Variants in PCDHA13 observed in about 807,000 individuals in gnomAD.
The protein encoded by PCDHA13 is protocadherin alpha-13.
In PCDHA13, 54 loss-of-function variants were observed where a neutral mutation model predicts 64.8. That is an observed-to-expected ratio of 0.83 (90% confidence interval 0.67 to 1.04). The LOEUF (loss-of-function observed/expected upper bound fraction) is 1.04. PCDHA13 is among the 50% of genes least tolerant of loss of function. The pLI is 0.00. For synonymous variants in PCDHA13, 587 were observed against 564.4 expected (o/e 1.04, Z -0.57); for missense variants, 1,248 against 1,254.3 (o/e 0.99, Z 0.08).
intron 1 of PCDHA13, chr5:140,927,691 G>C (rs782046420): frequency 6.2e-7 from 1 of 1,614,072 alleles, no homozygotes; most frequent in African/African-American, 1.3e-5. Flanking sequence ...GTCCAATGGG[G>C]AAGTCCAGTA....
At chr5:140,928,321 A>C (rs1296238254) in intron 1 of PCDHA13, 2 of 1,614,044 alleles carry the variant, frequency 1.2e-6, no homozygotes, top group African/African-American at 2.7e-5. Context: ...CCTGGGGAAG[A>C]ATGGCCTTGT....
chr5:140,928,392 G>T (rs17844366), intron 1 of PCDHA13: 1 of 1,614,052 alleles, frequency 6.2e-7, no homozygotes, highest in Admixed American at 1.7e-5. Context: ...TGCTGGCAGT[G>T]GAATCATCCA....
chr5:140,985,111 G>A (rs1252708098), intron 3 of PCDHA13, among the ~76,000 whole-genome samples: 2 of 151,892 alleles, frequency 1.3e-5, no homozygotes, highest in African/African-American at 2.4e-5. Context: ...CTAATTTTTT[G>A]TGTTTTTAGT....
chr5:141,008,642 T>C (rs1554261860), intron 3 of PCDHA13, among the ~76,000 whole-genome samples: 1 of 152,212 alleles, frequency 6.6e-6, no homozygotes, highest in Non-Finnish European at 1.5e-5. Flanking sequence ...AACAATTTCT[T>C]CTTCTGGAGT....
At chr5:140,944,089 A>G (rs2093608705) in intron 1 of PCDHA13, among the ~76,000 whole-genome samples, 2 of 152,250 alleles carry the variant, frequency 1.3e-5, no homozygotes, top group Non-Finnish European at 1.5e-5. Context: ...AGGCCTGAGT[A>G]AGTTTATATC....
intron 3 of PCDHA13, among the ~76,000 whole-genome samples, chr5:140,987,599 C>T (rs1475170913): frequency 1.3e-5 from 2 of 152,086 alleles, no homozygotes; most frequent in Non-Finnish European, 2.9e-5. Context: ...GTGGTGTCTA[C>T]CTTATAGGGT....
intron 1 of PCDHA13, among the ~76,000 whole-genome samples, chr5:140,972,660 ATTTTTTTT>A (rs11350929): frequency 6.0e-5 from 7 of 117,270 alleles, no homozygotes; most frequent in African/African-American, 2.0e-4. Flanking sequence ...AAGAAACCAA[ATTTTTTTT>A]TTTTTTTTTT....
chr5:141,010,949 C>T lies in PCDHA13; in HGVS notation c.*1012C>T, dbSNP rs1554263219. The T allele has an allele frequency of 6.5e-6, 1 of 153,762 alleles. No individual in the cohort carries two copies. Among genetic ancestry groups the T allele is most frequent in the African/African-American group, 2.4e-5 (1 of 41,442 alleles). 9.5% of individuals were successfully genotyped at this position (153,762 alleles called of 1,614,324 possible). On this transcript the variant is annotated 3_prime_UTR_variant, in exon 4 of 4. Transcript: ENST00000289272. ...TTCAGTCTACAGCCATTTAAATGAT[C>T]ATTGCTGCTACAGAAGTGCTTTAAG...
At chr5:140,885,328 A>G (rs2060562963) in intron 1 of PCDHA13, among the ~76,000 whole-genome samples, 1 of 152,114 alleles carries the variant, frequency 6.6e-6, no homozygotes, top group Non-Finnish European at 1.5e-5. Context: ...TTCTTTTCCA[A>G]AGTTTGAAGG....
At chr5:140,927,419 G>A (rs781883331) in intron 1 of PCDHA13, 1 of 1,614,140 alleles carries the variant, frequency 6.2e-7, no homozygotes, top group South Asian at 1.1e-5. Flanking sequence ...ATGGGATCGC[G>A]GGTTGACGGC....
intron 1 of PCDHA13, among the ~76,000 whole-genome samples, chr5:140,946,570 C>G (rs1488950892): frequency 7.2e-6 from 1 of 138,492 alleles, no homozygotes; most frequent in Non-Finnish European, 1.5e-5. Context: ...ATAGAATCAA[C>G]TTAGGTGTTC....
intron 1 of PCDHA13, among the ~76,000 whole-genome samples, chr5:140,933,223 A>G (rs1005553040): frequency 1.3e-5 from 2 of 152,018 alleles, no homozygotes; most frequent in African/African-American, 4.8e-5. Context: ...GTTATATTGC[A>G]TTTATGAAAA....
chr5:140,915,886 T>A (rs1259377999), intron 1 of PCDHA13, among the ~76,000 whole-genome samples: 2 of 152,186 alleles, frequency 1.3e-5, no homozygotes, highest in African/African-American at 4.8e-5. Context: ...GGGTAGCAAG[T>A]TCCCCCTGGC....
chr5:140,905,043 A>G (rs782694794), intron 1 of PCDHA13, among the ~76,000 whole-genome samples: 1 of 152,244 alleles, frequency 6.6e-6, no homozygotes, highest in East Asian at 1.9e-4. Flanking sequence ...TAGTTTAATT[A>G]GGTCCCATTT....
At chr5:140,927,076 C>T (rs142317713) in intron 1 of PCDHA13, 7 of 1,611,008 alleles carry the variant, frequency 4.3e-6, no homozygotes, top group Non-Finnish European at 5.1e-6. Context: ...TTCCAGCCAC[C>T]GCGAGCTCTA....
intron 1 of PCDHA13, chr5:140,967,956 A>C: frequency 6.2e-7 from 1 of 1,614,172 alleles, no homozygotes; most frequent in Non-Finnish European, 8.5e-7. Context: ...TCAGGCCCCA[A>C]CCGGAAAGTG....
At chr5:140,928,406 G>A (rs782285182) in intron 1 of PCDHA13, 1 of 1,614,050 alleles carries the variant, frequency 6.2e-7, no homozygotes, top group South Asian at 1.1e-5. Flanking sequence ...TCATCCAGTG[G>A]GGCCATCACT....
At chr5:140,949,603 A>G (rs1218724530) in intron 1 of PCDHA13, among the ~76,000 whole-genome samples, 3 of 151,662 alleles carry the variant, frequency 2.0e-5, no homozygotes, top group Non-Finnish European at 4.4e-5. Flanking sequence ...TGGCCATTCT[A>G]GTCTCATGTT....
chr5:140,973,799 A>G (rs1470568019), intron 1 of PCDHA13, among the ~76,000 whole-genome samples: 1 of 152,254 alleles, frequency 6.6e-6, no homozygotes, highest in African/African-American at 2.4e-5. Flanking sequence ...CATGCTGTCT[A>G]CTTGACAGAA....
Sources: gnomAD v4.1 joint callset for allele counts (sites outside exome capture counted in the v4.1 genomes callset) on GRCh38, gnomAD v4.1.1 for gene constraint, MANE v1.5 for transcripts, NCBI Gene and HGNC (gene_info 2026-07-23, HGNC 2026-07-21) for gene names.